The following GABRA6 variants were observed in gnomAD, a reference collection of about 807,000 sequenced individuals.
GABRA6 encodes the protein gamma-aminobutyric acid receptor subunit alpha-6.
GABRA6 carries 45 observed loss-of-function variants against 47.3 expected under a neutral mutation model. The observed-to-expected ratio is 0.95, with a 90% CI of 0.75 to 1.22. The LOEUF is 1.22. Ranked by LOEUF, GABRA6 falls within the 50% of genes most tolerant of loss-of-function variation. The probability of loss-of-function intolerance (pLI) is 0.00; values close to 1 mark genes in which losing one functional copy is unlikely to be tolerated. For synonymous variants in GABRA6, 219 were observed against 194.7 expected (o/e 1.12, Z -1.04); for missense variants, 583 against 549.3 (o/e 1.06, Z -0.61).
At chr5:161,692,409 T>A (rs776185437) in intron 8 of GABRA6, among the ~76,000 whole-genome samples, 3 of 152,208 alleles carry the variant, frequency 2.0e-5, no homozygotes, top group Non-Finnish European at 4.4e-5. Context: ...CTTTGGGCAT[T>A]CTTCTTTCAT....
At chr5:161,698,837 G>A (rs965446126) in intron 8 of GABRA6, among the ~76,000 whole-genome samples, 1 of 152,028 alleles carries the variant, frequency 6.6e-6, no homozygotes, top group Non-Finnish European at 1.5e-5. Context: ...AGGCAAAAGG[G>A]AATGCTAATG....
At chr5:161,699,362 C>T (rs1041017853) in intron 8 of GABRA6, among the ~76,000 whole-genome samples, 1 of 151,988 alleles carries the variant, frequency 6.6e-6, no homozygotes, top group East Asian at 1.9e-4. Flanking sequence ...ACAGTGACAC[C>T]TTTTGCTCTT....
chr5:161,695,477 T>A (rs551927973), intron 8 of GABRA6, among the ~76,000 whole-genome samples: 3 of 152,140 alleles, frequency 2.0e-5, no homozygotes, highest in Non-Finnish European at 4.4e-5. Context: ...GTTACTTATA[T>A]CTTCATGAGT....
Position 161,686,299 on chromosome 5 carries a change from G to A in GABRA6, c.108G>A (p.Leu36=), listed in dbSNP as rs1450451448. 1.9e-6 allele frequency: 3 copies of A among 1,614,064 alleles called. No individual in the cohort carries two copies. ...NFYSENVSRI[L]DNLLEGYDNR... ...ACTCAGAAAACGTCAGTCGGATCCT[G>A]GACAACTTGCTTGAAGGCTATGACA... is the stretch of plus-strand genomic sequence containing the variant. The change falls in exon 2 of 9, where the codon CTG becomes CTA. Residue 36 remains leucine (L), a synonymous_variant. Coordinates refer to ENST00000274545, the MANE Select transcript of GABRA6 (RefSeq NM_000811.3).
intron 8 of GABRA6, among the ~76,000 whole-genome samples, chr5:161,696,267 T>C (rs1034180568): frequency 6.6e-6 from 1 of 152,136 alleles, no homozygotes; most frequent in African/African-American, 2.4e-5. Flanking sequence ...ACTGGGCCAT[T>C]ACCATGCTGC....
rs200154397 is a variant in GABRA6, at chr5:161,689,234, G to C, written c.447-20G>C. The C allele has an allele frequency of 1.9e-6, 3 of 1,612,364 alleles. No individual in the cohort carries two copies. Among genetic ancestry groups the C allele is most frequent in the Non-Finnish European group, 2.5e-6 (3 of 1,178,550 alleles). On this transcript the variant is annotated intron_variant, in intron 4 of 8. Coordinates refer to ENST00000274545, the MANE Select transcript of GABRA6 (RefSeq NM_000811.3). ...ATGTCCATAATACTAACTCAGAACCGTTGATTTCAATGTTTCTAGGCTTAC... is the reference window on the plus strand; with the variant it reads ...ATGTCCATAATACTAACTCAGAACCCTTGATTTCAATGTTTCTAGGCTTAC...
chr5:161,692,234 T>A lies in GABRA6; in HGVS notation c.1086+34T>A, dbSNP rs1291791638. On this transcript the variant is annotated intron_variant, in intron 8 of 8. Transcript: ENST00000274545. ...TTACTTTTTCTATCATTACCTACCG[T>A]AGGAAAAAGCAGCCTAAATAGTGAT... 2.5e-6 allele frequency: 4 copies of A among 1,613,666 alleles called. No homozygotes were observed. In the East Asian group the frequency reaches 8.9e-5, roughly 36 times the overall value.
intron 5 of GABRA6, 122 bp from the exon 6 acceptor site, chr5:161,689,514 A>T: frequency 9.0e-7 from 1 of 1,115,246 alleles, no homozygotes; most frequent in Non-Finnish European, 1.3e-6. Flanking sequence ...CACCAAGATT[A>T]AAGAAAACAT....
At chr5:161,701,185 C>A (rs1754973964) in intron 8 of GABRA6, among the ~76,000 whole-genome samples, 1 of 152,150 alleles carries the variant, frequency 6.6e-6, no homozygotes, top group African/African-American at 2.4e-5. Context: ...TAGGCCTCTG[C>A]AACCTGGCTC....
Position 161,701,774 on chromosome 5 carries a change from C to A in GABRA6, c.*1C>A. ...GGAAGTCAGTAGCAGTGTTGAATAG[C>A]TTGCGGCCAGGACAACCTGAATTCT... On this transcript the variant is annotated 3_prime_UTR_variant, in exon 9 of 9. Coordinates refer to ENST00000274545, the MANE Select transcript of GABRA6 (RefSeq NM_000811.3). The A allele has an allele frequency of 1.2e-6, 2 of 1,614,020 alleles. No homozygotes were observed. The highest frequency in any genetic ancestry group is 1.3e-5 in the African/African-American group (1 of 75,038).
chr5:161,692,801 G>A lies in GABRA6; in HGVS notation c.1086+601G>A, dbSNP rs555671134. Among the ~76,000 whole-genome samples the A allele has an allele frequency of 5.1e-4, 77 of 152,270 alleles. 1 individual carries two copies. The highest frequency in any genetic ancestry group is 1.2e-3 in the African/African-American group (48 of 41,558). On this transcript the variant is annotated intron_variant, in intron 8 of 8. Coordinates refer to ENST00000274545, the MANE Select transcript of GABRA6 (RefSeq NM_000811.3). ...AATGGCTTACGTTCAGTGAGAAATAGTTATAAATTTTTGTTAAATTTGCTG... is the reference window on the plus strand; with the variant it reads ...AATGGCTTACGTTCAGTGAGAAATAATTATAAATTTTTGTTAAATTTGCTG...
chr5:161,694,589 T>C (rs1754856491), intron 8 of GABRA6, among the ~76,000 whole-genome samples: 1 of 152,130 alleles, frequency 6.6e-6, no homozygotes, highest in Admixed American at 6.5e-5. Context: ...ATATAATGAG[T>C]AGGTCCTCTG....
chr5:161,691,117 T>C lies in GABRA6; in HGVS notation c.826+764T>C, dbSNP rs189335197. Among the ~76,000 whole-genome samples, 5 of 152,154 alleles carry C rather than the reference T, an allele frequency of 3.3e-5. No individual in the cohort carries two copies. In the East Asian group the frequency reaches 7.7e-4, roughly 24 times the overall value. On this transcript the variant is annotated intron_variant, in intron 7 of 8. Transcript: ENST00000274545. The stretch of plus-strand genomic sequence containing the variant: ...AGGAAAACTGCCAGCAAGTGAGTGA[T>C]AAATTTTATCTTCTAATGAGTAAAT...
chr5:161,690,326 G>T lies in GABRA6; in HGVS notation c.799G>T (p.Glu267Ter). 6.2e-7 allele frequency: 1 copy of T among 1,613,724 alleles called. No individual in the cohort carries two copies. Among genetic ancestry groups the T allele is most frequent in the Non-Finnish European group, 8.5e-7 (1 of 1,179,868 alleles). Residue 267 changes from glutamate (E) to a stop codon, truncating the protein, a stop_gained, in exon 7 of 9, where the codon GAG (glutamate) becomes TAG (stop). Coordinates refer to ENST00000274545, the MANE Select transcript of GABRA6 (RefSeq NM_000811.3). LOFTEE classifies it high-confidence loss of function. ...CCAGGTGTCTTTCTGGATTAATAAG[G>T]AGTCCGTCCCAGCAAGAACTGTTTT... ...LSQVSFWINKESVPARTVFGI... is the reference protein window; with the variant it reads ...LSQVSFWINK
intron 8 of GABRA6, among the ~76,000 whole-genome samples, chr5:161,697,795 C>A (rs537750216): frequency 2.0e-5 from 3 of 152,138 alleles, no homozygotes; most frequent in African/African-American, 7.2e-5. Flanking sequence ...TTGTTAAGAG[C>A]GCGGTCTGTG....
At chr5:161,688,814 T>C (rs1561724159) in intron 3 of GABRA6, 135 bp from the exon 4 acceptor site, 1 of 744,930 alleles carries the variant, frequency 1.3e-6, no homozygotes, top group South Asian at 1.6e-5. Context: ...GCTAAAATTA[T>C]AGCTTTGTGA....
chr5:161,701,309 T>C (rs1304428288), intron 8 of GABRA6, among the ~76,000 whole-genome samples, 189 bp from the exon 9 acceptor site: 1 of 152,236 alleles, frequency 6.6e-6, no homozygotes, highest in Non-Finnish European at 1.5e-5. Context: ...TAAATTATTT[T>C]ACAATGTATT....
At chr5:161,688,838 TA>T (rs1486586903) in intron 3 of GABRA6, 110 bp from the exon 4 acceptor site, 16 of 858,536 alleles carry the variant, frequency 1.9e-5, no homozygotes, top group Non-Finnish European at 2.1e-5. Flanking sequence ...ATTATTGCGA[TA>T]AAAAGTTGCT....
At position 161,701,561 on chromosome 5, in the gene GABRA6, T is replaced by C. The variant is rs1230505765; in HGVS notation, c.1150T>C (p.Ser384Pro). ...ITSLSLPIVS[S>P]SEANKVLTRA... ...TTCTCTGTCTTTGCCAATAGTTTCA[T>C]CTTCCGAGGCCAATAAAGTGCTCAC... Residue 384 changes from serine to proline, a missense_variant, in exon 9 of 9, where the codon TCT becomes CCT. Transcript: ENST00000274545. 1.9e-6 allele frequency: 3 copies of C among 1,614,104 alleles called. No individual in the cohort carries two copies. Among genetic ancestry groups the C allele is most frequent in the African/African-American group, 2.7e-5 (2 of 74,940 alleles).
Sources: allele counts gnomAD v4.1 joint callset (sites outside exome capture counted in the v4.1 genomes callset), GRCh38; gene constraint gnomAD v4.1.1; transcripts MANE v1.5; gene names NCBI Gene and HGNC (gene_info 2026-07-23, HGNC 2026-07-21).